Variants in TENM3 observed in about 807,000 individuals in gnomAD.
The protein encoded by TENM3 is teneurin transmembrane protein 3.
In TENM3, 63 loss-of-function variants were observed where a neutral mutation model predicts 255.1. The ratio of observed to expected loss-of-function variants is 0.25; its 90% confidence interval spans 0.20 to 0.30. The LOEUF is 0.30. TENM3 is among the 10% of genes least tolerant of loss of function. The pLI, the probability that TENM3 is intolerant of heterozygous loss-of-function variation, is 1.00. For missense variants in TENM3, 2,929 were observed against 3,461.1 expected (o/e 0.85, Z 3.86); for synonymous variants, 1,306 against 1,322.3 (o/e 0.99, Z 0.27).
chr4:182,800,357 GGGCCGCGCCCGCCGA>G lies in TENM3; in HGVS notation c.*8_*22del, dbSNP rs1561274703. 6.6e-6 allele frequency: 10 copies of G among 1,526,528 alleles called. No homozygotes were observed. The highest frequency in any genetic ancestry group is 8.7e-6 in the Non-Finnish European group (10 of 1,144,460). The allele number at this position is 1,526,528 out of a possible 1,614,324, so 94.6% of individuals were successfully genotyped here. ...GCGAGATCGGCAGGAGGTAACGCCC[GGGCCGCGCCCGCCGA>G]GCCGCTCACGCCCTGCCCACATTGT... On this transcript the variant is annotated 3_prime_UTR_variant, in exon 28 of 28. Transcript: ENST00000511685.
the TENM3 span, among the ~76,000 whole-genome samples, chr4:181,954,214 G>T: frequency 6.6e-6 from 1 of 152,224 alleles, no homozygotes; most frequent in Admixed American, 6.5e-5. Flanking sequence ...AATCTACTGT[G>T]CATAGAGTTG....
intron 12 of TENM3, among the ~76,000 whole-genome samples, chr4:182,706,000 CATTT>C (rs2152654717): frequency 6.6e-6 from 1 of 152,300 alleles, no homozygotes; most frequent in African/African-American, 2.4e-5. Context: ...ATCAGATAAA[CATTT>C]TAAATTCATT....
chr4:182,160,277 C>T (rs919461993), intron 1 of TENM3, among the ~76,000 whole-genome samples: 3 of 152,100 alleles, frequency 2.0e-5, no homozygotes, highest in Non-Finnish European at 2.9e-5. Flanking sequence ...GCTGGGATTA[C>T]AGGCGTGAGC....
chr4:181,817,686 C>T, the TENM3 span, among the ~76,000 whole-genome samples: 1 of 152,108 alleles, frequency 6.6e-6, no homozygotes, highest in Non-Finnish European at 1.5e-5. Flanking sequence ...ATGGAGGGAG[C>T]TCATCCTTTT....
chr4:181,635,538 T>C, the TENM3 span, among the ~76,000 whole-genome samples: 13 of 152,164 alleles, frequency 8.5e-5, no homozygotes, highest in Non-Finnish European at 1.9e-4. Flanking sequence ...GGTTCCACCA[T>C]GCTGATCCCC....
chr4:182,253,821 C>T (rs1699105811), intron 1 of TENM3, among the ~76,000 whole-genome samples: 1 of 152,038 alleles, frequency 6.6e-6, no homozygotes. Context: ...TGACATTTGC[C>T]TCTAAATCGA....
At chr4:182,384,125 G>A (rs571829649) in intron 3 of TENM3, among the ~76,000 whole-genome samples, 5 of 152,084 alleles carry the variant, frequency 3.3e-5, no homozygotes, top group East Asian at 1.9e-4. Context: ...GCCCTTGGAC[G>A]TGACTCAATA....
chr4:182,380,910 C>T (rs1383959239), intron 3 of TENM3, among the ~76,000 whole-genome samples: 1 of 152,162 alleles, frequency 6.6e-6, no homozygotes, highest in African/African-American at 2.4e-5. Flanking sequence ...CCTTCCTGAC[C>T]TCATATGAAA....
At chr4:182,183,979 T>C (rs1207963907) in intron 1 of TENM3, among the ~76,000 whole-genome samples, 2 of 152,206 alleles carry the variant, frequency 1.3e-5, no homozygotes, top group African/African-American at 2.4e-5. Flanking sequence ...AATAGTTATA[T>C]GTTTTCATCT....
chr4:181,819,671 T>C, the TENM3 span, among the ~76,000 whole-genome samples: 8 of 152,276 alleles, frequency 5.3e-5, no homozygotes, highest in East Asian at 1.4e-3. Context: ...AGGCATTAGA[T>C]TCTCATAAGG....
At chr4:181,507,944 T>C in the TENM3 span, among the ~76,000 whole-genome samples, 1 of 152,210 alleles carries the variant, frequency 6.6e-6, no homozygotes, top group Non-Finnish European at 1.5e-5. Context: ...CTGCTTTTGT[T>C]TGATGTAGCT....
the TENM3 span, among the ~76,000 whole-genome samples, chr4:181,560,986 T>G: frequency 2.0e-5 from 3 of 152,190 alleles, no homozygotes; most frequent in Non-Finnish European, 4.4e-5. Context: ...AGGCAGAGTC[T>G]CTGTCGCCCA....
At chr4:182,782,795 T>G (rs1458918853) in intron 24 of TENM3, among the ~76,000 whole-genome samples, 2 of 122,336 alleles carry the variant, frequency 1.6e-5, no homozygotes, top group Non-Finnish European at 3.4e-5. Flanking sequence ...AATTGATCCC[T>G]TTACCATTAT....
At chr4:182,124,501 C>G in the TENM3 span, among the ~76,000 whole-genome samples, 90,702 of 152,054 alleles carry the variant, frequency 0.6, 27,203 homozygotes, top group Non-Finnish European at 0.62. Flanking sequence ...CTCGAGACTA[C>G]AGTGTTGTTC....
chr4:182,598,981 C>T (rs981239233), intron 3 of TENM3, among the ~76,000 whole-genome samples: 3 of 152,148 alleles, frequency 2.0e-5, no homozygotes, highest in African/African-American at 7.2e-5. Flanking sequence ...AGTCATCTGA[C>T]CCATACCACT....
the TENM3 span, among the ~76,000 whole-genome samples, chr4:181,524,049 G>T: frequency 6.6e-6 from 1 of 152,096 alleles, no homozygotes; most frequent in Non-Finnish European, 1.5e-5. Flanking sequence ...TGTTATAGAA[G>T]ACAAAGGTGA....
the TENM3 span, among the ~76,000 whole-genome samples, chr4:181,529,171 T>G: frequency 6.6e-6 from 1 of 152,326 alleles, no homozygotes; most frequent in East Asian, 1.9e-4. Context: ...AGCCAGATCT[T>G]CCAGCTGTTA....
At chr4:181,964,662 T>C in the TENM3 span, among the ~76,000 whole-genome samples, 1 of 152,164 alleles carries the variant, frequency 6.6e-6, no homozygotes, top group Non-Finnish European at 1.5e-5. Flanking sequence ...TCTTCTCGTC[T>C]ATATGACATT....
At chr4:181,710,848 C>T in the TENM3 span, among the ~76,000 whole-genome samples, 38 of 145,912 alleles carry the variant, frequency 2.6e-4, no homozygotes, top group East Asian at 6.1e-4. Flanking sequence ...CGCGCCCGGC[C>T]GAGACTCCAT....
Sources: allele counts gnomAD v4.1 joint callset (sites outside exome capture counted in the v4.1 genomes callset), GRCh38; gene constraint gnomAD v4.1.1; transcripts MANE v1.5; gene names NCBI Gene and HGNC (gene_info 2026-07-23, HGNC 2026-07-21).